The following STK24 variants were observed in gnomAD, a reference collection of about 807,000 sequenced individuals.
The protein encoded by STK24 is serine/threonine-protein kinase 24.
In STK24, 21 loss-of-function variants were observed where a neutral mutation model predicts 55.6. That is an observed-to-expected ratio of 0.38 (90% CI 0.27 to 0.54). The LOEUF (loss-of-function observed/expected upper bound fraction) is 0.54. Ranked by LOEUF, STK24 falls within the 20% of genes least tolerant of loss-of-function variation. STK24 has a pLI of 0.79. For missense variants in STK24, 383 were observed against 538.4 expected (o/e 0.71, Z 2.86); for synonymous variants, 200 against 215.2 (o/e 0.93, Z 0.62).
In STK24 at chr13:98,487,624, T is replaced by TTC. The variant is rs1396682123; in HGVS notation, c.274-5305_274-5304dup. Among the ~76,000 whole-genome samples the TTC allele has an allele frequency of 4.6e-5, 7 of 152,306 alleles. No individual in the cohort carries two copies. The South Asian group carries it at 1.0e-3, about 23-fold the overall frequency. On this transcript the variant is annotated intron_variant, in intron 2 of 10. Transcript: ENST00000539966. Reference sequence around the variant, plus strand: ...CCCCCCTTTTACCCAAACGGTGGCATTCTACACACACTGTTGTTTACCTTG... The same window carrying TTC: ...CCCCCCTTTTACCCAAACGGTGGCATTCTCTACACACACTGTTGTTTACCTTG...
At position 98,538,592 on chromosome 13, in the gene STK24, G is replaced by T. The variant is rs1419319792; in HGVS notation, c.43-19119C>A. ...TTCAACTGATCTTCTGCTCCAAGGG[G>T]AGTTTGTGAGCTCATCTTATTCATT... On this transcript the variant is annotated intron_variant, in intron 1 of 10. Transcript: ENST00000539966. Among the ~76,000 whole-genome samples, 3 of 152,156 alleles carry T rather than the reference G, an allele frequency of 2.0e-5. No individual in the cohort carries two copies. The South Asian group carries it at 6.2e-4, about 32-fold the overall frequency.
At chr13:98,555,699 G>C (rs922958554) in intron 1 of STK24, among the ~76,000 whole-genome samples, 6 of 35,296 alleles carry the variant, frequency 1.7e-4, no homozygotes, top group Non-Finnish European at 3.4e-4. Context: ...TTTTTTTTTT[G>C]AGATGGAGTC....
intron 1 of STK24, among the ~76,000 whole-genome samples, chr13:98,572,958 C>G (rs1897780709): frequency 6.6e-6 from 1 of 152,136 alleles, no homozygotes. Flanking sequence ...ACATCACAAG[C>G]ACAGGCTGAG....
At chr13:98,481,382 T>C (rs1894572468) in intron 3 of STK24, among the ~76,000 whole-genome samples, 2 of 152,134 alleles carry the variant, frequency 1.3e-5, no homozygotes, top group South Asian at 4.1e-4. Context: ...CAGAAGGCAC[T>C]TGAGGGAGAG....
intron 9 of STK24, among the ~76,000 whole-genome samples, chr13:98,459,729 A>AG (rs978670650): frequency 2.0e-5 from 3 of 152,290 alleles, no homozygotes; most frequent in Non-Finnish European, 4.4e-5. Flanking sequence ...AGTACCTCAA[A>AG]GGCAGCCTCA....
At chr13:98,482,539 G>T (rs1894633386) in intron 2 of STK24, among the ~76,000 whole-genome samples, 1 of 152,126 alleles carries the variant, frequency 6.6e-6, no homozygotes, top group South Asian at 2.1e-4. Flanking sequence ...GGTGTGCTCG[G>T]GGGCCCGCAC....
intron 2 of STK24, among the ~76,000 whole-genome samples, chr13:98,510,107 G>C (rs9517333): frequency 6.6e-6 from 1 of 152,096 alleles, no homozygotes; most frequent in Admixed American, 6.5e-5. Flanking sequence ...CCCTCCATCC[G>C]AAGAACCAAC....
chr13:98,575,743 CA>C (rs1301773890), intron 1 of STK24, among the ~76,000 whole-genome samples: 4 of 152,118 alleles, frequency 2.6e-5, no homozygotes, highest in Non-Finnish European at 5.9e-5. Flanking sequence ...GCTAAACTGG[CA>C]GAGCAAACTT....
intron 1 of STK24, among the ~76,000 whole-genome samples, chr13:98,569,877 A>ATT (rs755042140): frequency 6.5e-5 from 9 of 138,048 alleles, no homozygotes; most frequent in Non-Finnish European, 7.8e-5. Flanking sequence ...ACAGGCAGAA[A>ATT]TTTTTTTTTT....
intron 1 of STK24, among the ~76,000 whole-genome samples, chr13:98,573,368 G>T (rs528628574): frequency 6.6e-6 from 1 of 152,296 alleles, no homozygotes; most frequent in South Asian, 2.1e-4. Flanking sequence ...TCAATTGAGT[G>T]AAACAACAAA....
intron 2 of STK24, among the ~76,000 whole-genome samples, chr13:98,501,914 TCCTCGC>T (rs1279223269): frequency 6.6e-6 from 1 of 152,140 alleles, no homozygotes; most frequent in Non-Finnish European, 1.5e-5. Flanking sequence ...TTCCCCCAAT[TCCTCGC>T]CCTCTGACCC....
At chr13:98,503,293 A>T (rs9517328) in intron 2 of STK24, among the ~76,000 whole-genome samples, 24,461 of 152,172 alleles carry the variant, frequency 0.16, 2,103 homozygotes, top group Middle Eastern at 0.22. Flanking sequence ...CCTGCCGCTC[A>T]GTCACCAGCC....
At position 98,450,673 on chromosome 13, in the gene STK24, A is replaced by C; in HGVS notation, c.*2500T>G. 6.6e-6 allele frequency: 1 copy of C among 152,290 alleles called. No individual in the cohort carries two copies. Among genetic ancestry groups the C allele is most frequent in the East Asian group, 1.9e-4 (1 of 5,190 alleles). The allele number at this position is 152,290 out of a possible 1,614,324, so 9.4% of individuals were successfully genotyped here. A position where few individuals can be genotyped will look rare whatever the true frequency, so the allele number is the denominator to read the frequency against. On this transcript the variant is annotated 3_prime_UTR_variant, in exon 11 of 11. Transcript: ENST00000539966. ...GAGCCAGGAGCAGCTCAGGGCTGGCACTGAGAGGCTACTGGTGACAGTAAA... is the reference window on the plus strand; with the variant it reads ...GAGCCAGGAGCAGCTCAGGGCTGGCCCTGAGAGGCTACTGGTGACAGTAAA...
chr13:98,517,085 T>G (rs1452327061), intron 2 of STK24, among the ~76,000 whole-genome samples: 3 of 152,246 alleles, frequency 2.0e-5, no homozygotes, highest in Admixed American at 6.5e-5. Context: ...TTTGAACCAC[T>G]GATCCTTAAT....
intron 2 of STK24, among the ~76,000 whole-genome samples, chr13:98,510,632 G>A (rs1487290906): frequency 3.3e-5 from 5 of 152,172 alleles, no homozygotes; most frequent in Admixed American, 6.5e-5. Context: ...CAGAGCCCTT[G>A]AAAACATGCC....
intron 5 of STK24, among the ~76,000 whole-genome samples, chr13:98,470,687 T>C (rs552576814): frequency 6.6e-6 from 1 of 152,356 alleles, no homozygotes; most frequent in East Asian, 1.9e-4. Context: ...TTACTGATGG[T>C]TCTGGACTCT....
intron 1 of STK24, among the ~76,000 whole-genome samples, chr13:98,555,591 A>T (rs866010298): frequency 1.3e-5 from 2 of 152,006 alleles, no homozygotes; most frequent in South Asian, 4.2e-4. Context: ...TAAAAAAAAT[A>T]TATAAATAAA....
intron 10 of STK24, chr13:98,454,065 A>G (rs536790686): frequency 3.3e-5 from 5 of 152,336 alleles, no homozygotes; most frequent in African/African-American, 9.6e-5. Context: ...TGTGCACTAT[A>G]TAAGTATATT....
chr13:98,467,543 T>TA (rs2139269729), intron 5 of STK24, among the ~76,000 whole-genome samples: 1 of 152,212 alleles, frequency 6.6e-6, no homozygotes, highest in South Asian at 2.1e-4. Context: ...GACATCAACT[T>TA]AAAGAAACAG....
Sources: gnomAD v4.1 joint callset for allele counts (sites outside exome capture counted in the v4.1 genomes callset) on GRCh38, gnomAD v4.1.1 for gene constraint, MANE v1.5 for transcripts, NCBI Gene and HGNC (gene_info 2026-07-23, HGNC 2026-07-21) for gene names.